Variants in OTUD7A observed in about 807,000 individuals in gnomAD.
OTUD7A encodes the protein OTU domain-containing protein 7A.
In OTUD7A, 12 loss-of-function variants were observed where a neutral mutation model predicts 65.7. The observed-to-expected ratio is 0.18, with a 90% CI of 0.12 to 0.30. The LOEUF is 0.30. OTUD7A is among the 10% of genes least tolerant of loss of function. The pLI, the probability that OTUD7A is intolerant of heterozygous loss-of-function variation, is 1.00. For synonymous variants in OTUD7A, 641 were observed against 586.3 expected (o/e 1.09, Z -1.35); for missense variants, 1,148 against 1,304.8 (o/e 0.88, Z 1.85).
At chr15:31,601,002 A>G (rs1890057218) in intron 3 of OTUD7A, among the ~76,000 whole-genome samples, 2 of 152,164 alleles carry the variant, frequency 1.3e-5, no homozygotes, top group African/African-American at 4.8e-5. Context: ...CTCCCACACA[A>G]TAACAGTGGG....
chr15:31,503,828 A>G lies in OTUD7A; in HGVS notation c.894-10T>C, dbSNP rs1035280517. 4.3e-6 allele frequency: 7 copies of G among 1,614,076 alleles called. No homozygotes were observed. Among genetic ancestry groups the G allele is most frequent in the Non-Finnish European group, 5.9e-6 (7 of 1,180,006 alleles). On this transcript the variant is annotated splice_polypyrimidine_tract_variant and intron_variant, in intron 8 of 12. Transcript: ENST00000307050. Reference sequence around the variant, plus strand: ...CTCAGAGTTGTCCACACTGTGAAACAAAACAGAGCCAGCTGGTCACTGACT... The same window carrying G: ...CTCAGAGTTGTCCACACTGTGAAACGAAACAGAGCCAGCTGGTCACTGACT...
intron 3 of OTUD7A, among the ~76,000 whole-genome samples, chr15:31,582,194 GTTC>G (rs1448158617): frequency 6.6e-6 from 1 of 152,192 alleles, no homozygotes; most frequent in Non-Finnish European, 1.5e-5. Flanking sequence ...TTAGCAACAA[GTTC>G]TTCATCTCTA....
At chr15:31,719,673 G>C (rs1298041668) in intron 1 of OTUD7A, among the ~76,000 whole-genome samples, 1 of 152,046 alleles carries the variant, frequency 6.6e-6, no homozygotes, top group Non-Finnish European at 1.5e-5. Context: ...CACCAGCCAC[G>C]GTGATCTTGT....
chr15:31,813,666 A>G (rs553748438), intron 1 of OTUD7A, among the ~76,000 whole-genome samples: 2 of 152,390 alleles, frequency 1.3e-5, no homozygotes, highest in African/African-American at 2.4e-5. Context: ...AAAATAGTAC[A>G]TAACATTCAA....
chr15:31,589,485 T>C (rs1379513083), intron 3 of OTUD7A, among the ~76,000 whole-genome samples: 1 of 132,352 alleles, frequency 7.6e-6, no homozygotes, highest in East Asian at 2.3e-4. Flanking sequence ...TTTTTTTCTG[T>C]AGAGACGGGG....
intron 1 of OTUD7A, among the ~76,000 whole-genome samples, chr15:31,670,978 A>G (rs35400773): frequency 1.2e-4 from 18 of 151,810 alleles, no homozygotes; most frequent in African/African-American, 1.9e-4. Flanking sequence ...CTGGGGGACA[A>G]AGCGAGACTC....
At position 31,561,083 on chromosome 15, in the gene OTUD7A, C is replaced by T. The variant is rs1017311798; in HGVS notation, c.332-1896G>A. On this transcript the variant is annotated intron_variant, in intron 4 of 12. Coordinates refer to ENST00000307050, the MANE Select transcript of OTUD7A (RefSeq NM_001382637.1). ...AGAGTCACAGAGACAGACTACATTT[C>T]GCAATGGGTGGTTTAGATTCACCTT... Among the ~76,000 whole-genome samples the T allele has an allele frequency of 3.9e-5, 6 of 152,364 alleles. No homozygotes were observed. The East Asian group carries it at 7.7e-4, about 20-fold the overall frequency.
intron 10 of OTUD7A, among the ~76,000 whole-genome samples, chr15:31,491,177 AACAAGACTC>A (rs2041313655): frequency 6.6e-6 from 1 of 152,212 alleles, no homozygotes; most frequent in Non-Finnish European, 1.5e-5. Context: ...CAGTTTATAG[AACAAGACTC>A]AGATATGACA....
intron 1 of OTUD7A, among the ~76,000 whole-genome samples, chr15:31,803,573 G>C (rs1466363497): frequency 6.6e-6 from 1 of 152,214 alleles, no homozygotes; most frequent in East Asian, 1.9e-4. Flanking sequence ...GCTAGCAGGA[G>C]CTCCACAGGG....
intron 2 of OTUD7A, 39 bp from the exon 3 acceptor site, chr15:31,655,289 G>A (rs772902699): frequency 3.3e-6 from 3 of 922,738 alleles, no homozygotes; most frequent in East Asian, 5.3e-5. Context: ...ACCACGTGAT[G>A]GAAATGGAGC....
intron 1 of OTUD7A, among the ~76,000 whole-genome samples, chr15:31,845,609 T>C (rs1897278089): frequency 6.6e-6 from 1 of 152,146 alleles, no homozygotes; most frequent in African/African-American, 2.4e-5. Context: ...CCAACCAGCA[T>C]GTTGAGGCCC....
intron 1 of OTUD7A, among the ~76,000 whole-genome samples, chr15:31,774,516 G>T (rs1351439598): frequency 1.3e-5 from 2 of 152,226 alleles, no homozygotes; most frequent in Admixed American, 6.5e-5. Context: ...ATTCTGGCTT[G>T]AACTTGCCAC....
intron 2 of OTUD7A, 107 bp downstream of exon 2, chr15:31,656,876 G>A (rs565173255): frequency 2.2e-4 from 33 of 152,494 alleles, no homozygotes; most frequent in African/African-American, 7.5e-4. Flanking sequence ...CAGGCAGGGA[G>A]GTCTGTACCC....
intron 3 of OTUD7A, among the ~76,000 whole-genome samples, chr15:31,638,339 A>G (rs1891402166): frequency 6.6e-6 from 1 of 151,188 alleles, no homozygotes; most frequent in Non-Finnish European, 1.5e-5. Flanking sequence ...ATATAATGCT[A>G]TTGAACACTT....
intron 8 of OTUD7A, among the ~76,000 whole-genome samples, chr15:31,509,677 T>C (rs993218760): frequency 1.3e-5 from 2 of 152,092 alleles, no homozygotes; most frequent in African/African-American, 4.8e-5. Context: ...TATATATTTT[T>C]ACATATTTTG....
chr15:31,666,692 T>C (rs1468801690), intron 1 of OTUD7A, among the ~76,000 whole-genome samples: 1 of 152,204 alleles, frequency 6.6e-6, no homozygotes, highest in Non-Finnish European at 1.5e-5. Flanking sequence ...TGGTTTGTTC[T>C]TGTTTCTCTA....
At chr15:31,749,871 G>T (rs1437995719) in intron 1 of OTUD7A, among the ~76,000 whole-genome samples, 1 of 151,978 alleles carries the variant, frequency 6.6e-6, no homozygotes, top group Non-Finnish European at 1.5e-5. Flanking sequence ...TAAAGTTTCA[G>T]GATACAAAAT....
chr15:31,749,381 T>C (rs1028920425), intron 1 of OTUD7A, among the ~76,000 whole-genome samples: 5 of 152,186 alleles, frequency 3.3e-5, no homozygotes, highest in Non-Finnish European at 7.3e-5. Context: ...ACATCCACTT[T>C]GGAAAACAGT....
At chr15:31,555,838 T>C (rs1888471811) in intron 5 of OTUD7A, among the ~76,000 whole-genome samples, 1 of 134,554 alleles carries the variant, frequency 7.4e-6, no homozygotes, top group African/African-American at 3.4e-5. Flanking sequence ...TCTGCGTACC[T>C]CTGTTCTTTT....
Sources: gnomAD v4.1 joint callset for allele counts (sites outside exome capture counted in the v4.1 genomes callset) on GRCh38, gnomAD v4.1.1 for gene constraint, MANE v1.5 for transcripts, NCBI Gene and HGNC (gene_info 2026-07-23, HGNC 2026-07-21) for gene names.